The following FIGN variants were observed in gnomAD, a reference collection of about 807,000 sequenced individuals.
FIGN encodes the protein fidgetin.
A neutral mutation model predicts 51.3 loss-of-function variants in FIGN; 11 were observed. The observed-to-expected ratio is 0.21, with a 90% CI of 0.13 to 0.35. The LOEUF (loss-of-function observed/expected upper bound fraction) is 0.35. Ranked by LOEUF, FIGN falls within the 10% of genes least tolerant of loss-of-function variation. The probability of loss-of-function intolerance (pLI) is 1.00; values close to 1 mark genes in which losing one functional copy is unlikely to be tolerated. For synonymous variants in FIGN, 407 were observed against 363.2 expected, an observed-to-expected ratio of 1.12 and a Z score of -1.37; for missense variants, 857 against 943.6, an observed-to-expected ratio of 0.91 and a Z score of 1.20.
chr2:163,708,159 G>A (rs941437127), intron 2 of FIGN, among the ~76,000 whole-genome samples: 11 of 152,058 alleles, frequency 7.2e-5, no homozygotes, highest in Admixed American at 7.2e-4. Context: ...ATTAAAGGGG[G>A]AAAACACCAA....
At chr2:163,657,090 C>T (rs942840872) in intron 2 of FIGN, among the ~76,000 whole-genome samples, 6 of 146,494 alleles carry the variant, frequency 4.1e-5, no homozygotes, top group Admixed American at 2.8e-4. Flanking sequence ...AAGAATGTGA[C>T]GTTACTGTAG....
chr2:163,680,135 G>A (rs190628890), intron 2 of FIGN, among the ~76,000 whole-genome samples: 32 of 152,274 alleles, frequency 2.1e-4, no homozygotes, highest in African/African-American at 6.7e-4. Flanking sequence ...TTCTAAAATG[G>A]TGTGATCTTT....
At chr2:163,668,025 C>CCA (rs1553498965) in intron 2 of FIGN, among the ~76,000 whole-genome samples, 43 of 144,528 alleles carry the variant, frequency 3.0e-4, no homozygotes, top group Middle Eastern at 3.6e-3. Context: ...CCCCCCCCCC[C>CCA]AAAAAACCCT....
At chr2:163,656,235 A>G (rs1683557377) in intron 2 of FIGN, among the ~76,000 whole-genome samples, 1 of 152,126 alleles carries the variant, frequency 6.6e-6, no homozygotes, top group Admixed American at 6.6e-5. Context: ...AGCTGCAGAC[A>G]TTTTTCCTGG....
At chr2:163,642,302 G>C (rs1683317514) in intron 2 of FIGN, among the ~76,000 whole-genome samples, 1 of 152,204 alleles carries the variant, frequency 6.6e-6, no homozygotes, top group Non-Finnish European at 1.5e-5. Context: ...CTTCCCAAAA[G>C]CTTTCAGAAA....
At chr2:163,628,888 T>G (rs1683098608) in intron 2 of FIGN, among the ~76,000 whole-genome samples, 1 of 152,156 alleles carries the variant, frequency 6.6e-6, no homozygotes. Context: ...TCCCTGAATC[T>G]AAGGAACTTT....
At chr2:163,712,872 C>T (rs530662453) in intron 2 of FIGN, among the ~76,000 whole-genome samples, 45 of 152,184 alleles carry the variant, frequency 3.0e-4, no homozygotes, top group Admixed American at 9.8e-4. Flanking sequence ...ATTTAATAAC[C>T]ATTAAAAGCA....
chr2:163,721,667 T>C (rs1684758396), intron 2 of FIGN, among the ~76,000 whole-genome samples: 1 of 152,208 alleles, frequency 6.6e-6, no homozygotes, highest in Non-Finnish European at 1.5e-5. Context: ...GCACTACAGA[T>C]ACTTTCTTCT....
intron 2 of FIGN, among the ~76,000 whole-genome samples, chr2:163,726,748 T>G (rs1396435338): frequency 6.6e-6 from 1 of 152,110 alleles, no homozygotes; most frequent in Non-Finnish European, 1.5e-5. Context: ...TCTAAAAGAT[T>G]CCCTTAGATC....
At chr2:163,687,820 A>G (rs1485508746) in intron 2 of FIGN, among the ~76,000 whole-genome samples, 1 of 152,202 alleles carries the variant, frequency 6.6e-6, no homozygotes, top group Non-Finnish European at 1.5e-5. Flanking sequence ...GAACAGTAAC[A>G]TGCAAAGTTA....
intron 2 of FIGN, among the ~76,000 whole-genome samples, chr2:163,686,717 CTA>C (rs1182807489): frequency 1.3e-5 from 2 of 151,536 alleles, no homozygotes. Context: ...TGACATTTAG[CTA>C]TTTTCCCAAA....
chr2:163,735,039 A>C lies in FIGN; in HGVS notation c.-112T>G. 1 of 1,068,850 alleles carries C rather than the reference A, an allele frequency of 9.4e-7. No individual in the cohort carries two copies. The highest frequency in any genetic ancestry group is 1.4e-6 in the Non-Finnish European group (1 of 716,510). 66.2% of individuals were successfully genotyped at this position (1,068,850 alleles called of 1,614,324 possible). On this transcript the variant is annotated 5_prime_UTR_variant, in exon 2 of 3. Coordinates refer to ENST00000333129, the MANE Select transcript of FIGN (RefSeq NM_018086.4). Reference sequence around the variant, plus strand: ...TCAGCTATCAAATGTCACTGCCTTGAAACGTGGGCCCTTTCGTCAGGTATT... The same window carrying C: ...TCAGCTATCAAATGTCACTGCCTTGCAACGTGGGCCCTTTCGTCAGGTATT...
chr2:163,696,981 T>C (rs780791009), intron 2 of FIGN, among the ~76,000 whole-genome samples: 3 of 151,680 alleles, frequency 2.0e-5, no homozygotes, highest in Non-Finnish European at 4.4e-5. Context: ...ATGATCCCCA[T>C]TTTGGAGACT....
chr2:163,610,984 G>T lies in FIGN; in HGVS notation c.848C>A (p.Thr283Asn), dbSNP rs1691240331. 4.3e-6 allele frequency: 7 copies of T among 1,613,694 alleles called. No homozygotes were observed. The highest frequency in any genetic ancestry group is 5.9e-6 in the Non-Finnish European group (7 of 1,179,964). Residue 283 changes from threonine (T) to asparagine (N), a missense_variant, in exon 3 of 3, where the codon ACC becomes AAC. Thr to Asn is a moderately conservative substitution (Grantham distance 65, BLOSUM62 0). This residue lies in a region of FIGN where 799 missense variants were observed against 849.5 expected (regional missense o/e 0.94). Transcript: ENST00000333129. Reference sequence around the variant, plus strand: ...AGGAACAGTGGTGGGGGGTAGGGGGGTGGGAGCAGGAATTCCTGAAGGCAG... The same window carrying T: ...AGGAACAGTGGTGGGGGGTAGGGGGTTGGGAGCAGGAATTCCTGAAGGCAG... ...AYLPSGIPAP[T>N]PLPPTTVPGY...
chr2:163,712,325 T>G (rs1384341914), intron 2 of FIGN, among the ~76,000 whole-genome samples: 1 of 152,218 alleles, frequency 6.6e-6, no homozygotes, highest in Admixed American at 6.5e-5. Flanking sequence ...GTAGGTGATG[T>G]ATGTTTCTTT....
chr2:163,717,304 AG>A (rs1357795339), intron 2 of FIGN, among the ~76,000 whole-genome samples: 1 of 152,168 alleles, frequency 6.6e-6, no homozygotes, highest in Non-Finnish European at 1.5e-5. Flanking sequence ...GGGCAGAGAA[AG>A]AGAGCAATTT....
intron 2 of FIGN, among the ~76,000 whole-genome samples, chr2:163,642,643 T>A (rs1044658288): frequency 2.0e-5 from 3 of 152,124 alleles, no homozygotes; most frequent in African/African-American, 7.2e-5. Context: ...CTACCAAAAC[T>A]CCAAGTTTTC....
At chr2:163,657,223 G>T (rs1451898863) in intron 2 of FIGN, among the ~76,000 whole-genome samples, 12 of 151,898 alleles carry the variant, frequency 7.9e-5, no homozygotes, top group Non-Finnish European at 2.9e-5. Flanking sequence ...ACTGAATCTA[G>T]TACTAATTTG....
intron 2 of FIGN, among the ~76,000 whole-genome samples, chr2:163,648,460 T>C (rs1683417726): frequency 6.6e-6 from 1 of 152,222 alleles, no homozygotes; most frequent in Admixed American, 6.5e-5. Flanking sequence ...CTTTTTCCTG[T>C]CATTAGGGAT....
Sources: allele counts gnomAD v4.1 joint callset (sites outside exome capture counted in the v4.1 genomes callset), GRCh38; gene constraint gnomAD v4.1.1; regional missense constraint gnomAD v4.1.1; transcripts MANE v1.5; gene names NCBI Gene and HGNC (gene_info 2026-07-23, HGNC 2026-07-21).